The following CSMD1 variants were observed in gnomAD, a reference collection of about 807,000 sequenced individuals.
CSMD1 encodes the protein CUB and Sushi multiple domains 1.
Under a neutral mutation model 417.5 loss-of-function variants are expected in CSMD1, and 213 were observed. That is an observed-to-expected ratio of 0.51 (90% confidence interval 0.46 to 0.57). CSMD1 has a LOEUF of 0.57. CSMD1 is among the 20% of genes least tolerant of loss of function. CSMD1 has a pLI of 0.00. For synonymous variants in CSMD1, 2,862 were observed against 1,736.8 expected, an observed-to-expected ratio of 1.65 and a Z score of -16.11; for missense variants, 6,923 against 4,529.7, an observed-to-expected ratio of 1.53 and a Z score of -15.17.
At position 3,888,318 on chromosome 8, in the gene CSMD1, G is replaced by A. The variant is rs567666939; in HGVS notation, c.818+109585C>T. On this transcript the variant is annotated intron_variant, in intron 5 of 69. Coordinates refer to ENST00000635120, the MANE Select transcript of CSMD1 (RefSeq NM_033225.6). Reference sequence around the variant, plus strand: ...CTTGACACTTTGATCTTCAAGGCAAGCATTTGTATCCAAAGTCAAAGGATG... The same window carrying A: ...CTTGACACTTTGATCTTCAAGGCAAACATTTGTATCCAAAGTCAAAGGATG... Among the ~76,000 whole-genome samples the A allele has an allele frequency of 1.4e-4, 21 of 152,260 alleles. No homozygotes were observed. In the South Asian group the frequency reaches 1.5e-3, roughly 11 times the overall value.
At chr8:3,518,897 C>T (rs1459181052) in intron 10 of CSMD1, among the ~76,000 whole-genome samples, 2 of 152,202 alleles carry the variant, frequency 1.3e-5, no homozygotes, top group Non-Finnish European at 2.9e-5. Context: ...GTCCGTAAGA[C>T]ACTTATCCTG....
intron 49 of CSMD1, among the ~76,000 whole-genome samples, chr8:3,074,387 C>T (rs893687720): frequency 5.3e-5 from 8 of 152,146 alleles, no homozygotes; most frequent in South Asian, 2.1e-4. Context: ...GAGGGTCCAC[C>T]GCACCCCCAG....
intron 17 of CSMD1, among the ~76,000 whole-genome samples, chr8:3,389,458 A>G (rs1811214493): frequency 6.6e-6 from 1 of 151,586 alleles, no homozygotes; most frequent in South Asian, 2.1e-4. Flanking sequence ...ATTCCCTCAA[A>G]AGAAGAAGCT....
In CSMD1 at chr8:4,594,157, C is replaced by G. The variant is rs565238256; in HGVS notation, c.302+43185G>C. On this transcript the variant is annotated intron_variant, in intron 2 of 69. Coordinates refer to ENST00000635120, the MANE Select transcript of CSMD1 (RefSeq NM_033225.6). Reference sequence around the variant, plus strand: ...GGTCATGTTGAATTAGGACCCACTCCAATTACCTCATTTTAACTTGATTAA... The same window carrying G: ...GGTCATGTTGAATTAGGACCCACTCGAATTACCTCATTTTAACTTGATTAA... Among the ~76,000 whole-genome samples, 142 of 149,480 alleles carry G rather than the reference C, an allele frequency of 9.5e-4. 2 individuals carry two copies. The highest frequency in any genetic ancestry group is 3.3e-3 in the African/African-American group (134 of 40,798).
intron 1 of CSMD1, among the ~76,000 whole-genome samples, chr8:4,969,442 T>G (rs1012965865): frequency 1.3e-5 from 2 of 151,764 alleles, no homozygotes; most frequent in African/African-American, 4.8e-5. Context: ...TAGGAGCCAG[T>G]TCACAGAAAA....
chr8:3,387,897 C>T (rs539517021), intron 17 of CSMD1, among the ~76,000 whole-genome samples: 45 of 152,258 alleles, frequency 3.0e-4, no homozygotes, highest in African/African-American at 9.9e-4. Context: ...ATGCTGTTTA[C>T]CAGATATTAT....
chr8:3,951,707 G>C (rs1289081559), intron 5 of CSMD1, among the ~76,000 whole-genome samples: 3 of 152,012 alleles, frequency 2.0e-5, no homozygotes, highest in Admixed American at 6.6e-5. Flanking sequence ...TTTAAAATGA[G>C]ACTTCATGGG....
chr8:4,526,784 A>C (rs1796535936), intron 2 of CSMD1, among the ~76,000 whole-genome samples: 1 of 152,212 alleles, frequency 6.6e-6, no homozygotes, highest in Non-Finnish European at 1.5e-5. Context: ...CCACAACCTG[A>C]ATTTTCTTTC....
intron 54 of CSMD1, among the ~76,000 whole-genome samples, chr8:2,985,505 A>G (rs1305970929): frequency 2.0e-5 from 3 of 152,226 alleles, no homozygotes; most frequent in African/African-American, 7.2e-5. Context: ...TTTCCTTACA[A>G]AGGTTCTATA....
intron 2 of CSMD1, among the ~76,000 whole-genome samples, chr8:4,636,031 T>G (rs1292883025): frequency 2.6e-5 from 4 of 152,160 alleles, no homozygotes; most frequent in African/African-American, 9.6e-5. Context: ...TATTTTATAT[T>G]TAACCTATTA....
chr8:4,341,165 G>A (rs745527760), intron 3 of CSMD1, among the ~76,000 whole-genome samples: 7 of 152,070 alleles, frequency 4.6e-5, no homozygotes, highest in East Asian at 1.9e-4. Context: ...ATTAGTAGGC[G>A]TTGATCATCT....
intron 7 of CSMD1, among the ~76,000 whole-genome samples, chr8:3,672,554 T>C (rs1312314298): frequency 1.3e-5 from 2 of 152,356 alleles, no homozygotes; most frequent in Non-Finnish European, 2.9e-5. Flanking sequence ...ACAGAGGTAA[T>C]AATGGTTTAA....
At chr8:3,020,013 T>A (rs1235947428) in intron 51 of CSMD1, among the ~76,000 whole-genome samples, 4 of 152,214 alleles carry the variant, frequency 2.6e-5, no homozygotes, top group South Asian at 4.1e-4. Flanking sequence ...AACATCGAGT[T>A]CTTCCTTATT....
intron 7 of CSMD1, among the ~76,000 whole-genome samples, chr8:3,635,515 G>C (rs1183016365): frequency 1.4e-5 from 2 of 138,138 alleles, no homozygotes; most frequent in African/African-American, 5.5e-5. Context: ...ACAGAAACTC[G>C]CTCTGTCACC....
At chr8:4,363,105 G>C (rs1195205511) in intron 3 of CSMD1, among the ~76,000 whole-genome samples, 2 of 152,076 alleles carry the variant, frequency 1.3e-5, no homozygotes, top group African/African-American at 4.8e-5. Flanking sequence ...TAATATCAGA[G>C]ACTTCATCAG....
rs1179934085 is a variant in CSMD1, at chr8:3,932,989, C to G, written c.818+64914G>C. 9.5e-5 allele frequency among the ~76,000 whole-genome samples: 14 copies of G among 148,094 alleles called. 1 individual carries two copies. Among genetic ancestry groups the G allele is most frequent in the Admixed American group, 8.7e-4 (13 of 14,898 alleles). On this transcript the variant is annotated intron_variant, in intron 5 of 69. Coordinates refer to ENST00000635120, the MANE Select transcript of CSMD1 (RefSeq NM_033225.6). ...TTTTGCTTTCTAATATCCTGAAAAACTTTTTAAATGTTTAACATTATAGAA... is the reference window on the plus strand; with the variant it reads ...TTTTGCTTTCTAATATCCTGAAAAAGTTTTTAAATGTTTAACATTATAGAA...
At chr8:4,071,415 T>G (rs931015236) in intron 3 of CSMD1, among the ~76,000 whole-genome samples, 1 of 152,152 alleles carries the variant, frequency 6.6e-6, no homozygotes, top group African/African-American at 2.4e-5. Flanking sequence ...AAATTGTAGT[T>G]TAGATATTTA....
At chr8:3,697,005 T>C (rs998817404) in intron 7 of CSMD1, among the ~76,000 whole-genome samples, 2 of 152,154 alleles carry the variant, frequency 1.3e-5, no homozygotes, top group African/African-American at 4.8e-5. Flanking sequence ...CAGTAGGTCA[T>C]GGGTTCTGGT....
At chr8:3,932,862 T>G (rs892658972) in intron 5 of CSMD1, among the ~76,000 whole-genome samples, 2 of 150,494 alleles carry the variant, frequency 1.3e-5, no homozygotes, top group Non-Finnish European at 3.0e-5. Flanking sequence ...TTCACTATTG[T>G]GTAAAGTTAA....
Sources: gnomAD v4.1 joint callset for allele counts (sites outside exome capture counted in the v4.1 genomes callset) on GRCh38, gnomAD v4.1.1 for gene constraint, MANE v1.5 for transcripts, NCBI Gene and HGNC (gene_info 2026-07-23, HGNC 2026-07-21) for gene names.